SORCS1: variants seen among roughly 807,000 people sequenced by gnomAD.
SORCS1 encodes the protein VPS10 domain-containing receptor SorCS1.
SORCS1 carries 60 observed loss-of-function variants against 146.1 expected under a neutral mutation model. The observed-to-expected ratio is 0.41, with a 90% CI of 0.33 to 0.51. SORCS1 has a LOEUF of 0.51. Among genes scored for constraint, SORCS1 ranks in the 20% least tolerant of loss-of-function variants. The probability of loss-of-function intolerance (pLI) is 0.21; values close to 1 mark genes in which losing one functional copy is unlikely to be tolerated. For missense variants in SORCS1, 1,352 were observed against 1,487.6 expected, an observed-to-expected ratio of 0.91 and a Z score of 1.50; for synonymous variants, 637 against 584.0, an observed-to-expected ratio of 1.09 and a Z score of -1.31.
At position 106,666,135 on chromosome 10, in the gene SORCS1, C is replaced by T. The variant is rs552469808; in HGVS notation, c.2303+1554G>A. Among the ~76,000 whole-genome samples, 409 of 152,160 alleles carry T rather than the reference C, an allele frequency of 2.7e-3. 1 individual carries two copies. The highest frequency in any genetic ancestry group is 4.6e-3 in the Non-Finnish European group (313 of 68,000). On this transcript the variant is annotated intron_variant, in intron 17 of 25. Coordinates refer to ENST00000263054, the MANE Select transcript of SORCS1 (RefSeq NM_052918.5). ...GATTACAGGCGTGAGCCACTGCACCCGGCCACTTCTATGTATTTTTAAATG... is the reference window on the plus strand; with the variant it reads ...GATTACAGGCGTGAGCCACTGCACCTGGCCACTTCTATGTATTTTTAAATG...
chr10:106,679,489 G>C, intron 11 of SORCS1, 143 bp downstream of exon 11: 1 of 944,106 alleles, frequency 1.1e-6, no homozygotes. Context: ...TGGTTTAGGT[G>C]CCTTTCAAAA....
rs528210347 is a variant in SORCS1 at position 107,029,152 on chromosome 10, C to T, written c.559-72572G>A. On this transcript the variant is annotated intron_variant, in intron 1 of 25. Coordinates refer to ENST00000263054, the MANE Select transcript of SORCS1 (RefSeq NM_052918.5). ...TGCTAGATGCTCTCTCATGGAATGT[C>T]AATCAATAGTTATACTTCCATTTAA... 2.1e-4 allele frequency among the ~76,000 whole-genome samples: 32 copies of T among 152,304 alleles called. 2 individuals carry two copies. The South Asian group carries it at 6.4e-3, about 31-fold the overall frequency.
At chr10:106,733,060 A>G (rs2136034308) in intron 5 of SORCS1, among the ~76,000 whole-genome samples, 1 of 150,032 alleles carries the variant, frequency 6.7e-6, no homozygotes, top group African/African-American at 2.5e-5. Flanking sequence ...GTGAGCCAAG[A>G]TCACACTGCT....
At chr10:107,066,551 T>C (rs1961875756) in intron 1 of SORCS1, among the ~76,000 whole-genome samples, 1 of 152,222 alleles carries the variant, frequency 6.6e-6, no homozygotes, top group South Asian at 2.1e-4. Context: ...CACTAGACAC[T>C]GGAGACTCAA....
chr10:107,093,764 G>C (rs1312122722), intron 1 of SORCS1, among the ~76,000 whole-genome samples: 1 of 151,860 alleles, frequency 6.6e-6, no homozygotes, highest in Admixed American at 6.6e-5. Flanking sequence ...ATGGTGGATG[G>C]AGAAGCCTTA....
At position 106,808,523 on chromosome 10, in the gene SORCS1, G is replaced by T. The variant is rs67594334; in HGVS notation, c.726+21051C>A. On this transcript the variant is annotated intron_variant, in intron 3 of 25. Coordinates refer to ENST00000263054, the MANE Select transcript of SORCS1 (RefSeq NM_052918.5). ...TTATTTTATTTATTTATTTATGTGA[G>T]GCGGAGTGTCGCTCTGTCGCCCAGT... 6.0e-3 allele frequency among the ~76,000 whole-genome samples: 904 copies of T among 151,870 alleles called. 8 individuals carry two copies. Among genetic ancestry groups the T allele is most frequent in the African/African-American group, 0.021 (863 of 41,428 alleles).
chr10:107,163,714 C>G (rs1309451073), intron 1 of SORCS1, among the ~76,000 whole-genome samples: 1 of 152,086 alleles, frequency 6.6e-6, no homozygotes, highest in Admixed American at 6.5e-5. Context: ...ACCAAGGCAA[C>G]AGGAAATAGG....
At chr10:106,604,277 T>C (rs1205106164) in intron 23 of SORCS1, among the ~76,000 whole-genome samples, 1 of 152,162 alleles carries the variant, frequency 6.6e-6, no homozygotes, top group Non-Finnish European at 1.5e-5. Context: ...AAAACTCCCT[T>C]TATTTTTACC....
intron 1 of SORCS1, among the ~76,000 whole-genome samples, chr10:106,974,369 A>G (rs956753732): frequency 2.6e-5 from 4 of 152,222 alleles, no homozygotes; most frequent in African/African-American, 4.8e-5. Context: ...TATTTAGCCA[A>G]AAGGCTGGAA....
chr10:106,983,188 CTATA>C (rs57891634), intron 1 of SORCS1, among the ~76,000 whole-genome samples: 14,522 of 146,464 alleles, frequency 0.099, 2,274 homozygotes, highest in African/African-American at 0.33. Flanking sequence ...ACATATTTCT[CTATA>C]TATACATATT....
At chr10:106,947,466 G>C (rs1183981903) in intron 2 of SORCS1, among the ~76,000 whole-genome samples, 1 of 152,142 alleles carries the variant, frequency 6.6e-6, no homozygotes, top group East Asian at 1.9e-4. Context: ...GAATAGTCAG[G>C]AGCCAGCTCT....
At chr10:106,710,846 T>C (rs1854927228) in intron 6 of SORCS1, among the ~76,000 whole-genome samples, 1 of 152,210 alleles carries the variant, frequency 6.6e-6, no homozygotes, top group Admixed American at 6.5e-5. Flanking sequence ...CCAAACTTTC[T>C]ACCACTTTAA....
intron 18 of SORCS1, among the ~76,000 whole-genome samples, chr10:106,652,003 G>A (rs1028353893): frequency 1.3e-5 from 2 of 152,182 alleles, no homozygotes; most frequent in African/African-American, 4.8e-5. Context: ...GCTGAGAGGG[G>A]ATGAAAGTAT....
chr10:106,820,579 A>T (rs575624382), intron 3 of SORCS1, among the ~76,000 whole-genome samples: 2 of 152,354 alleles, frequency 1.3e-5, no homozygotes, highest in Non-Finnish European at 2.9e-5. Flanking sequence ...TAGTGGTTTT[A>T]TTAAAGATTC....
intron 1 of SORCS1, among the ~76,000 whole-genome samples, chr10:107,071,978 T>C (rs1962465153): frequency 6.6e-6 from 1 of 152,130 alleles, no homozygotes; most frequent in Non-Finnish European, 1.5e-5. Context: ...ACTCTGAAGA[T>C]GGGATGCAGC....
chr10:107,176,906 T>C, the SORCS1 span, among the ~76,000 whole-genome samples: 4 of 152,094 alleles, frequency 2.6e-5, no homozygotes, highest in Non-Finnish European at 1.5e-5. Flanking sequence ...TATTCTATAA[T>C]TTTATTAATT....
At chr10:107,086,880 T>C (rs1419855462) in intron 1 of SORCS1, among the ~76,000 whole-genome samples, 1 of 152,116 alleles carries the variant, frequency 6.6e-6, no homozygotes, top group Non-Finnish European at 1.5e-5. Context: ...ATACAAACAA[T>C]TAGCCGGGAA....
chr10:106,706,500 G>A, intron 8 of SORCS1, 45 bp downstream of exon 8: 1 of 1,578,978 alleles, frequency 6.3e-7, no homozygotes, highest in Non-Finnish European at 8.7e-7. Context: ...TGGCTTCTGT[G>A]AATGAGAGTC....
At chr10:106,817,658 CATT>C (rs1183241531) in intron 3 of SORCS1, among the ~76,000 whole-genome samples, 2 of 152,080 alleles carry the variant, frequency 1.3e-5, no homozygotes, top group African/African-American at 4.8e-5. Flanking sequence ...CATAATAACA[CATT>C]ATTAAGATTC....
Sources: allele counts gnomAD v4.1 joint callset (sites outside exome capture counted in the v4.1 genomes callset), GRCh38; gene constraint gnomAD v4.1.1; transcripts MANE v1.5; gene names NCBI Gene and HGNC (gene_info 2026-07-23, HGNC 2026-07-21).